Variants in ELP4 observed in about 807,000 individuals in gnomAD.
ELP4 encodes the protein elongator complex protein 4.
In ELP4, 51 loss-of-function variants were observed where a neutral mutation model predicts 48.9. That is an observed-to-expected ratio of 1.04 (90% confidence interval 0.83 to 1.32). The LOEUF (loss-of-function observed/expected upper bound fraction) is 1.32. Among genes scored for constraint, ELP4 ranks in the 40% most tolerant of loss-of-function variants. The pLI is 0.00. For synonymous variants in ELP4, 210 were observed against 189.2 expected (o/e 1.11, Z -0.90); for missense variants, 519 against 514.6 (o/e 1.01, Z -0.08).
Position 31,790,111 on chromosome 11 carries a change from A to C in ELP4, c.*6587A>C, listed in dbSNP as rs992913409. On this transcript the variant is annotated 3_prime_UTR_variant, in exon 10 of 10. Transcript: ENST00000640961. ...TTATAGGTTTACAAAAAAAAAAAAA[A>C]AAAAAAAAACTAATACTTTCTAACA... is the stretch of plus-strand genomic sequence containing the variant. The C allele has an allele frequency of 2.5e-6, 2 of 802,486 alleles. No homozygotes were observed. The highest frequency in any genetic ancestry group is 2.7e-5 in the East Asian group (1 of 36,896). 49.7% of individuals were successfully genotyped at this position (802,486 alleles called of 1,614,324 possible).
At chr11:31,753,917 G>A (rs1229688736) in intron 9 of ELP4, among the ~76,000 whole-genome samples, 1 of 152,174 alleles carries the variant, frequency 6.6e-6, no homozygotes, top group African/African-American at 2.4e-5. Flanking sequence ...GAGTAGTGGA[G>A]AGATACACAG....
At chr11:31,641,293 G>C (rs1045535572) in intron 7 of ELP4, among the ~76,000 whole-genome samples, 64 of 151,846 alleles carry the variant, frequency 4.2e-4, no homozygotes, top group African/African-American at 1.4e-3. Context: ...TCATTACGGG[G>C]CATTATGCAG....
intron 5 of ELP4, among the ~76,000 whole-genome samples, chr11:31,604,447 G>A (rs901865812): frequency 4.0e-5 from 6 of 151,520 alleles, no homozygotes; most frequent in Non-Finnish European, 8.9e-5. Flanking sequence ...TTAGAGTTTG[G>A]GTTTTAAGTA....
intron 9 of ELP4, chr11:31,650,648 C>T (rs1945300554): frequency 6.5e-6 from 1 of 154,416 alleles, no homozygotes; most frequent in African/African-American, 2.4e-5. Context: ...GTGAAATTAC[C>T]TTTCCTCGTG....
chr11:31,730,626 G>A (rs1198040030), intron 9 of ELP4, among the ~76,000 whole-genome samples: 3 of 152,084 alleles, frequency 2.0e-5, no homozygotes, highest in Non-Finnish European at 2.9e-5. Context: ...GCACTGACAC[G>A]GCCTGGCATA....
At chr11:31,610,402 A>G (rs1439241438) in intron 5 of ELP4, among the ~76,000 whole-genome samples, 1 of 152,064 alleles carries the variant, frequency 6.6e-6, no homozygotes, top group East Asian at 1.9e-4. Flanking sequence ...GTACATTTGC[A>G]GGTTTGATAC....
At chr11:31,742,686 A>C (rs1467828190) in intron 9 of ELP4, among the ~76,000 whole-genome samples, 1 of 152,216 alleles carries the variant, frequency 6.6e-6, no homozygotes, top group African/African-American at 2.4e-5. Context: ...AATACTTTAC[A>C]AACAAACAAA....
At chr11:31,728,142 A>G (rs1478496274) in intron 9 of ELP4, among the ~76,000 whole-genome samples, 3 of 152,180 alleles carry the variant, frequency 2.0e-5, no homozygotes, top group African/African-American at 7.2e-5. Context: ...TTTGCTTTAT[A>G]TCATTAATAA....
intron 2 of ELP4, among the ~76,000 whole-genome samples, chr11:31,522,075 A>G (rs1956222222): frequency 6.6e-6 from 1 of 152,186 alleles, no homozygotes. Context: ...CTTATGAGAT[A>G]CTTATGTCAC....
At chr11:31,695,789 T>C (rs1946390623) in intron 9 of ELP4, among the ~76,000 whole-genome samples, 1 of 107,702 alleles carries the variant, frequency 9.3e-6, no homozygotes, top group Admixed American at 9.9e-5. Context: ...TGTGAATCCA[T>C]CTGATCCTGA....
chr11:31,553,725 AACAC>A (rs56921821), intron 3 of ELP4, among the ~76,000 whole-genome samples: 10,111 of 140,324 alleles, frequency 0.072, 448 homozygotes, highest in East Asian at 0.24. Context: ...TGCACACACA[AACAC>A]ACACACACAC....
At chr11:31,561,081 C>T (rs919621146) in intron 3 of ELP4, among the ~76,000 whole-genome samples, 1 of 152,072 alleles carries the variant, frequency 6.6e-6, no homozygotes, top group African/African-American at 2.4e-5. Context: ...TTCTATCACC[C>T]ACACATACTC....
chr11:31,785,872 C>A lies in ELP4; in HGVS notation c.*2348C>A, dbSNP rs767247431. 1 of 195,500 alleles carries A rather than the reference C, an allele frequency of 5.1e-6. No individual in the cohort carries two copies. The highest frequency in any genetic ancestry group is 2.3e-5 in the African/African-American group (1 of 43,236). The allele number at this position is 195,500 out of a possible 1,614,324, so 12.1% of individuals were successfully genotyped here. On this transcript the variant is annotated 3_prime_UTR_variant, in exon 10 of 10. Coordinates refer to ENST00000640961, the MANE Select transcript of ELP4 (RefSeq NM_019040.5). ...TTAACAGATTTTTTTTAATTATCAG[C>A]TTGACTCAAAGATATAAATACTTAA...
intron 2 of ELP4, among the ~76,000 whole-genome samples, chr11:31,523,589 A>G (rs1368310903): frequency 1.3e-5 from 2 of 152,168 alleles, no homozygotes; most frequent in Admixed American, 6.5e-5. Flanking sequence ...AGTCCACTCT[A>G]GACCTTCTGA....
In ELP4 at chr11:31,731,567, G is replaced by GGTGTGTGTGTGTGTGTGTGTGTGTGT. The variant is rs148076836; in HGVS notation, c.1144-51817_1144-51792dup. On this transcript the variant is annotated intron_variant, in intron 9 of 9. Coordinates refer to ENST00000640961, the MANE Select transcript of ELP4 (RefSeq NM_019040.5). ...GGGACTTATGGTACACCATTAAGCA[G>GGTGTGTGTGTGTGTGTGTGTGTGTGT]GTGTGTGTGTGTGTGTGTGTGTGTG... 1.7e-3 allele frequency among the ~76,000 whole-genome samples: 244 copies of GGTGTGTGTGTGTGTGTGTGTGTGTGT among 142,854 alleles called. 1 individual carries two copies. Among genetic ancestry groups the GGTGTGTGTGTGTGTGTGTGTGTGTGT allele is most frequent in the African/African-American group, 6.2e-3 (234 of 37,446 alleles). The allele number at this position is 142,854 out of a possible 152,430, so 93.7% of individuals were successfully genotyped here.
intron 9 of ELP4, among the ~76,000 whole-genome samples, chr11:31,736,963 C>T (rs1434914445): frequency 1.3e-5 from 2 of 152,194 alleles, no homozygotes; most frequent in Non-Finnish European, 2.9e-5. Context: ...CATCCCATTA[C>T]TGGGTATATA....
At chr11:31,692,045 A>G (rs1946293219) in intron 9 of ELP4, among the ~76,000 whole-genome samples, 1 of 152,198 alleles carries the variant, frequency 6.6e-6, no homozygotes, top group South Asian at 2.1e-4. Flanking sequence ...TAACAGTGAG[A>G]TGAAAAGTGG....
intron 5 of ELP4, among the ~76,000 whole-genome samples, chr11:31,616,598 T>C (rs959825577): frequency 2.6e-5 from 4 of 152,078 alleles, no homozygotes; most frequent in Non-Finnish European, 5.9e-5. Context: ...ACTTAAACTT[T>C]TGTGCATGAA....
intron 9 of ELP4, among the ~76,000 whole-genome samples, chr11:31,775,694 C>T (rs763317226): frequency 1.3e-5 from 2 of 151,966 alleles, no homozygotes; most frequent in South Asian, 2.1e-4. Context: ...AGGCCAGGTG[C>T]GATGGTTCAC....
Sources: allele counts gnomAD v4.1 joint callset (sites outside exome capture counted in the v4.1 genomes callset), GRCh38; gene constraint gnomAD v4.1.1; transcripts MANE v1.5; gene names NCBI Gene and HGNC (gene_info 2026-07-23, HGNC 2026-07-21).